SAMD3: variants seen among roughly 807,000 people sequenced by gnomAD.
The protein encoded by SAMD3 is sterile alpha motif domain-containing protein 3.
Under a neutral mutation model 58.5 loss-of-function variants are expected in SAMD3, and 63 were observed. The ratio of observed to expected loss-of-function variants is 1.08; its 90% confidence interval spans 0.88 to 1.33. SAMD3 has a LOEUF of 1.33. Ranked by LOEUF, SAMD3 falls within the 40% of genes most tolerant of loss-of-function variation. SAMD3 has a pLI of 0.00. For synonymous variants in SAMD3, 220 were observed against 210.3 expected (o/e 1.05, Z -0.40); for missense variants, 604 against 608.4 (o/e 0.99, Z 0.08).
At chr6:130,154,235 C>T (rs1044636818) in intron 9 of SAMD3, among the ~76,000 whole-genome samples, 18 of 127,558 alleles carry the variant, frequency 1.4e-4, no homozygotes, top group Admixed American at 2.5e-4. Context: ...TACTGAAATT[C>T]TTTTTTTTTT....
intron 2 of SAMD3, chr6:130,215,902 A>T (rs545866428): frequency 1.8e-4 from 252 of 1,413,328 alleles, no homozygotes; most frequent in Admixed American, 8.1e-4. Flanking sequence ...GGAGAATCTG[A>T]ATGTTTCTGT....
chr6:130,288,457 G>GA (rs56754055), intron 2 of SAMD3, among the ~76,000 whole-genome samples: 42,091 of 151,658 alleles, frequency 0.28, 6,314 homozygotes, highest in East Asian at 0.45. Context: ...AATCACATCT[G>GA]AAAAAAAATA....
At chr6:130,155,173 C>G (rs1200555563) in intron 8 of SAMD3, 148 bp from the exon 9 acceptor site, 1 of 598,826 alleles carries the variant, frequency 1.7e-6, no homozygotes, top group Non-Finnish European at 3.0e-6. Flanking sequence ...AATAAATGGA[C>G]AGTCTTTAAT....
At chr6:130,257,061 T>C (rs1016541304) in intron 2 of SAMD3, among the ~76,000 whole-genome samples, 20 of 152,142 alleles carry the variant, frequency 1.3e-4, no homozygotes, top group Non-Finnish European at 8.8e-5. Context: ...TGGAGAAGAG[T>C]TCTTTAAGAG....
chr6:130,212,383 C>A (rs1406197883), intron 4 of SAMD3, among the ~76,000 whole-genome samples: 3 of 152,166 alleles, frequency 2.0e-5, no homozygotes, highest in Non-Finnish European at 4.4e-5. Flanking sequence ...GGGTACAGTG[C>A]AAAGTCCCCA....
At chr6:130,308,405 A>ATTCTTTCTATTCTT (rs1562513144) in intron 2 of SAMD3, among the ~76,000 whole-genome samples, 1 of 126,350 alleles carries the variant, frequency 7.9e-6, no homozygotes, top group Admixed American at 7.8e-5. Context: ...ATTCTATTCT[A>ATTCTTTCTATTCTT]TTCTATTCTA....
At chr6:130,190,237 C>T (rs889108619) in intron 5 of SAMD3, among the ~76,000 whole-genome samples, 10 of 152,136 alleles carry the variant, frequency 6.6e-5, no homozygotes, top group South Asian at 2.1e-4. Context: ...AAAATGTCAA[C>T]GCTCTTTGGG....
At chr6:130,285,096 T>G (rs951948510) in intron 2 of SAMD3, among the ~76,000 whole-genome samples, 15 of 152,208 alleles carry the variant, frequency 9.9e-5, no homozygotes, top group Admixed American at 9.8e-4. Flanking sequence ...CTAGATCTCA[T>G]GGATAAGATG....
At chr6:130,176,325 A>C (rs1791722387) in intron 7 of SAMD3, 2 of 330,370 alleles carry the variant, frequency 6.1e-6, no homozygotes, top group Non-Finnish European at 1.1e-5. Flanking sequence ...CAAAAGTGAT[A>C]CTTTCCACTA....
intron 2 of SAMD3, among the ~76,000 whole-genome samples, chr6:130,246,718 C>T (rs1277151369): frequency 1.3e-5 from 2 of 152,016 alleles, no homozygotes; most frequent in Admixed American, 6.6e-5. Context: ...TGGGAAACCC[C>T]ATCTCTACAA....
At chr6:130,260,817 A>T (rs1230772686) in intron 2 of SAMD3, among the ~76,000 whole-genome samples, 2 of 152,232 alleles carry the variant, frequency 1.3e-5, no homozygotes, top group African/African-American at 4.8e-5. Flanking sequence ...TGGAGGATCA[A>T]CGCAGTGGCT....
chr6:130,176,856 G>A (rs79558335), intron 7 of SAMD3, among the ~76,000 whole-genome samples: 1,594 of 152,236 alleles, frequency 0.01, 15 homozygotes, highest in Non-Finnish European at 0.011. Context: ...CAAGAGTTGC[G>A]CGAGGCTGGA....
chr6:130,185,839 C>T (rs1792910810), intron 5 of SAMD3, among the ~76,000 whole-genome samples: 1 of 151,940 alleles, frequency 6.6e-6, no homozygotes, highest in Non-Finnish European at 1.5e-5. Flanking sequence ...ACTATGTTGC[C>T]CAGTTTCATC....
At chr6:130,273,092 A>G (rs769843239) in intron 2 of SAMD3, among the ~76,000 whole-genome samples, 4 of 151,664 alleles carry the variant, frequency 2.6e-5, no homozygotes, top group Admixed American at 1.3e-4. Context: ...TTTCTCTGAC[A>G]CTGGCTCTGA....
At chr6:130,274,848 G>C (rs1774718402) in intron 2 of SAMD3, among the ~76,000 whole-genome samples, 2 of 150,290 alleles carry the variant, frequency 1.3e-5, no homozygotes. Context: ...ATATTTGATT[G>C]CAATGTCTCT....
rs185456621 is a variant in SAMD3, at chr6:130,345,227, G to A, written c.-304+19893C>T. On this transcript the variant is annotated intron_variant, in intron 1 of 13. Coordinates refer to the SAMD3 transcript ENST00000368134. The stretch of plus-strand genomic sequence containing the variant: ...GCAGGAAAGTATTAGATACTTGTGT[G>A]GAGGTGGAGGTAGAGGACAAGTGGC... 4.1e-4 allele frequency among the ~76,000 whole-genome samples: 63 copies of A among 152,312 alleles called. 3 individuals are homozygous for A. In the East Asian group the frequency reaches 0.01, roughly 25 times the overall value.
intron 2 of SAMD3, among the ~76,000 whole-genome samples, chr6:130,284,440 G>C (rs1016467740): frequency 6.6e-6 from 1 of 151,850 alleles, no homozygotes; most frequent in African/African-American, 2.4e-5. Context: ...ATAGAAGGCA[G>C]GAAAAGATAA....
chr6:130,162,356 G>A lies in SAMD3; in HGVS notation c.823-7331C>T, dbSNP rs191972554. The A allele has an allele frequency of 2.2e-5, 15 of 687,520 alleles. No homozygotes were observed. In the African/African-American group the frequency reaches 2.7e-4, roughly 12 times the overall value. 42.6% of individuals were successfully genotyped at this position (687,520 alleles called of 1,614,324 possible). ...AGTCTGCTTTTGAAGTAGTAAGACGGCATGGTTAAAAATGTAGTTATAGCT... is the reference window on the plus strand; with the variant it reads ...AGTCTGCTTTTGAAGTAGTAAGACGACATGGTTAAAAATGTAGTTATAGCT... On this transcript the variant is annotated intron_variant, in intron 8 of 11. Transcript: ENST00000439090.
chr6:130,190,083 T>C (rs1300298471), intron 5 of SAMD3, among the ~76,000 whole-genome samples: 1 of 152,192 alleles, frequency 6.6e-6, no homozygotes, highest in Non-Finnish European at 1.5e-5. Context: ...ACAATCTGTG[T>C]ATAAACTGTT....
Sources: gnomAD v4.1 joint callset for allele counts (sites outside exome capture counted in the v4.1 genomes callset) on GRCh38, gnomAD v4.1.1 for gene constraint, MANE v1.5 for transcripts, NCBI Gene and HGNC (gene_info 2026-07-23, HGNC 2026-07-21) for gene names.